The following CDK14 variants were observed in gnomAD, a reference collection of about 807,000 sequenced individuals.
The protein encoded by CDK14 is cyclin dependent kinase 14.
In CDK14, 34 loss-of-function variants were observed where a neutral mutation model predicts 60.7. That is an observed-to-expected ratio of 0.56 (90% CI 0.43 to 0.75). The LOEUF (loss-of-function observed/expected upper bound fraction) is 0.75. Among genes scored for constraint, CDK14 ranks in the 30% least tolerant of loss-of-function variants. The probability of loss-of-function intolerance (pLI) is 0.00; values close to 1 mark genes in which losing one functional copy is unlikely to be tolerated. For synonymous variants in CDK14, 197 were observed against 203.7 expected (o/e 0.97, Z 0.28); for missense variants, 482 against 564.1 (o/e 0.85, Z 1.47).
At chr7:90,807,651 G>A (rs1788910534) in intron 5 of CDK14, among the ~76,000 whole-genome samples, 1 of 152,180 alleles carries the variant, frequency 6.6e-6, no homozygotes, top group Non-Finnish European at 1.5e-5. Context: ...GCAGGCTTCA[G>A]ACGATCAAAC....
At chr7:91,054,908 G>A (rs1797507049) in intron 11 of CDK14, among the ~76,000 whole-genome samples, 1 of 152,094 alleles carries the variant, frequency 6.6e-6, no homozygotes, top group Non-Finnish European at 1.5e-5. Flanking sequence ...AAGTGTGAGT[G>A]GAATCATCGG....
intron 7 of CDK14, among the ~76,000 whole-genome samples, chr7:90,900,548 C>A (rs903296879): frequency 3.3e-5 from 5 of 152,134 alleles, no homozygotes; most frequent in Middle Eastern, 3.2e-3. Context: ...CAAATTCTCT[C>A]ATTTATACAT....
chr7:91,119,609 T>A (rs772015790), intron 14 of CDK14, among the ~76,000 whole-genome samples: 20 of 152,374 alleles, frequency 1.3e-4, no homozygotes, highest in Non-Finnish European at 2.5e-4. Flanking sequence ...ATTGATAGCA[T>A]GGTAAAGAGA....
chr7:91,102,077 A>G (rs187579209), intron 12 of CDK14, among the ~76,000 whole-genome samples: 88 of 152,248 alleles, frequency 5.8e-4, no homozygotes, highest in Admixed American at 3.3e-3. Flanking sequence ...CATCCAGATC[A>G]TTTTCAAGAG....
intron 10 of CDK14, 59 bp downstream of exon 10, chr7:90,984,300 C>G: frequency 2.0e-6 from 2 of 1,012,606 alleles, no homozygotes; most frequent in South Asian, 2.6e-5. Flanking sequence ...CACTTAGTGA[C>G]AAATTCTACA....
At chr7:91,175,929 G>A (rs1426123924) in intron 14 of CDK14, among the ~76,000 whole-genome samples, 3 of 150,816 alleles carry the variant, frequency 2.0e-5, no homozygotes, top group African/African-American at 7.3e-5. Flanking sequence ...GGATACCCAG[G>A]AATTGAACTC....
chr7:90,818,926 T>A (rs1171066510), intron 5 of CDK14, among the ~76,000 whole-genome samples: 1 of 151,930 alleles, frequency 6.6e-6, no homozygotes, highest in African/African-American at 2.4e-5. Flanking sequence ...ATATAATTTG[T>A]TACTGAAACT....
intron 9 of CDK14, among the ~76,000 whole-genome samples, chr7:90,957,688 T>C (rs533144321): frequency 5.9e-5 from 9 of 152,140 alleles, no homozygotes; most frequent in East Asian, 1.9e-4. Flanking sequence ...AACCACTGCT[T>C]GAGGAAATAA....
At chr7:91,070,534 G>A (rs1433722755) in intron 11 of CDK14, among the ~76,000 whole-genome samples, 9 of 152,118 alleles carry the variant, frequency 5.9e-5, no homozygotes, top group Non-Finnish European at 1.3e-4. Context: ...CAAAGCAGGA[G>A]GATTGCTTGA....
chr7:91,104,873 A>G (rs922060699), intron 12 of CDK14, among the ~76,000 whole-genome samples: 8 of 152,190 alleles, frequency 5.3e-5, no homozygotes, highest in Non-Finnish European at 4.4e-5. Context: ...AAAGAATACC[A>G]GGGAGAAAGA....
intron 10 of CDK14, among the ~76,000 whole-genome samples, chr7:91,030,984 G>A (rs705346): frequency 0.12 from 19,015 of 152,162 alleles, 1,607 homozygotes; most frequent in East Asian, 0.41. Flanking sequence ...GATTTCCCTG[G>A]TGGGTGCATT....
At chr7:90,743,382 A>G (rs1234459712) in intron 3 of CDK14, among the ~76,000 whole-genome samples, 3 of 152,180 alleles carry the variant, frequency 2.0e-5, no homozygotes, top group African/African-American at 7.2e-5. Context: ...TTGTGTTCAG[A>G]AAAAGCAACT....
chr7:90,712,622 G>A (rs1158534492), intron 2 of CDK14, among the ~76,000 whole-genome samples: 1 of 152,044 alleles, frequency 6.6e-6, no homozygotes, highest in Non-Finnish European at 1.5e-5. Flanking sequence ...CAAGGAATAA[G>A]GAATAGAAAT....
At chr7:90,945,089 G>A (rs1794061880) in intron 8 of CDK14, among the ~76,000 whole-genome samples, 1 of 152,204 alleles carries the variant, frequency 6.6e-6, no homozygotes, top group Non-Finnish European at 1.5e-5. Context: ...CTAGAACATA[G>A]AAAGGGATGG....
chr7:90,706,626 A>G (rs1297237464), intron 2 of CDK14, among the ~76,000 whole-genome samples: 1 of 152,188 alleles, frequency 6.6e-6, no homozygotes, highest in African/African-American at 2.4e-5. Context: ...AGGACTCTGA[A>G]GAGGCAATAC....
chr7:91,204,897 A>C (rs1009852546), intron 14 of CDK14, among the ~76,000 whole-genome samples: 7 of 152,094 alleles, frequency 4.6e-5, no homozygotes, highest in African/African-American at 1.7e-4. Context: ...GCAGTGAGCT[A>C]GGATTACATC....
intron 2 of CDK14, among the ~76,000 whole-genome samples, chr7:90,624,223 C>A (rs967195715): frequency 6.6e-6 from 1 of 152,166 alleles, no homozygotes; most frequent in Non-Finnish European, 1.5e-5. Context: ...CACCCTCACC[C>A]CCTTATTCTG....
intron 4 of CDK14, among the ~76,000 whole-genome samples, chr7:90,773,723 A>G (rs185495913): frequency 1.3e-5 from 2 of 152,174 alleles, no homozygotes; most frequent in East Asian, 1.9e-4. Flanking sequence ...TTGACTGTGT[A>G]TAAAACCAGT....
chr7:91,184,078 A>T (rs969596144), intron 14 of CDK14, among the ~76,000 whole-genome samples: 3 of 151,944 alleles, frequency 2.0e-5, no homozygotes, highest in Non-Finnish European at 2.9e-5. Context: ...ATTTTTTAAT[A>T]GACATAATCC....
Sources: allele counts gnomAD v4.1 joint callset (sites outside exome capture counted in the v4.1 genomes callset), GRCh38; gene constraint gnomAD v4.1.1; transcripts MANE v1.5; gene names NCBI Gene and HGNC (gene_info 2026-07-23, HGNC 2026-07-21).